The following PDE10A variants were observed in gnomAD, a reference collection of about 807,000 sequenced individuals.
The protein encoded by PDE10A is cAMP and cAMP-inhibited cGMP 3',5'-cyclic phosphodiesterase 10A.
In PDE10A, 39 loss-of-function variants were observed where a neutral mutation model predicts 97.7. That is an observed-to-expected ratio of 0.40 (90% CI 0.31 to 0.52). PDE10A has a LOEUF of 0.52. PDE10A is among the 20% of genes least tolerant of loss of function. The probability of loss-of-function intolerance (pLI) is 0.56; values close to 1 mark genes in which losing one functional copy is unlikely to be tolerated. For missense variants in PDE10A, 731 were observed against 1,047.8 expected, an observed-to-expected ratio of 0.70 and a Z score of 4.17; for synonymous variants, 371 against 376.8, an observed-to-expected ratio of 0.98 and a Z score of 0.18.
chr6:165,762,047 C>T (rs1263561816), intron 1 of PDE10A, among the ~76,000 whole-genome samples: 1 of 152,194 alleles, frequency 6.6e-6, no homozygotes, highest in African/African-American at 2.4e-5. Flanking sequence ...TCTCAGAAAA[C>T]CAACCATCAG....
intron 3 of PDE10A, among the ~76,000 whole-genome samples, chr6:165,477,347 C>T (rs1779350598): frequency 6.6e-6 from 1 of 152,182 alleles, no homozygotes; most frequent in South Asian, 2.1e-4. Flanking sequence ...ATCATTTACC[C>T]TGCCTCTCGC....
intron 7 of PDE10A, among the ~76,000 whole-genome samples, chr6:165,432,091 T>C (rs561705550): frequency 6.6e-6 from 1 of 152,200 alleles, no homozygotes; most frequent in African/African-American, 2.4e-5. Flanking sequence ...CCAGGCACTA[T>C]TCTAGGTGCT....
rs1554299050 is a variant in PDE10A, at chr6:165,639,757, A to AAG, written c.865+22188_865+22189dup. Among the ~76,000 whole-genome samples the AAG allele has an allele frequency of 1.6e-3, 241 of 148,354 alleles. 2 individuals carry two copies. The highest frequency in any genetic ancestry group is 7.0e-3 in the Middle Eastern group (2 of 284). On this transcript the variant is annotated intron_variant, in intron 1 of 21. Coordinates refer to ENST00000539869, the MANE Select transcript of PDE10A (RefSeq NM_001385079.1). ...CTGTCCCAAAAAAAAAAAAAAAAAAAAGAGAGAGAGACATAAAAATCAATC... is the reference window on the plus strand; with the variant it reads ...CTGTCCCAAAAAAAAAAAAAAAAAAAAGAGAGAGAGAGACATAAAAATCAATC...
intron 1 of PDE10A, among the ~76,000 whole-genome samples, chr6:165,972,930 T>C (rs1239439074): frequency 6.6e-6 from 1 of 151,982 alleles, no homozygotes; most frequent in Admixed American, 6.5e-5. Context: ...CACCAGCTCA[T>C]TCTCCTCTCC....
intron 1 of PDE10A, among the ~76,000 whole-genome samples, chr6:165,554,818 T>C (rs757424165): frequency 2.6e-5 from 4 of 152,160 alleles, no homozygotes; most frequent in Admixed American, 1.3e-4. Flanking sequence ...ATATACACAA[T>C]GGAGTACTAT....
intron 10 of PDE10A, among the ~76,000 whole-genome samples, chr6:165,422,899 T>C (rs1477328952): frequency 6.6e-6 from 1 of 152,092 alleles, no homozygotes; most frequent in African/African-American, 2.4e-5. Flanking sequence ...AAAATATTTA[T>C]ATATCTAAAA....
chr6:165,552,176 C>G (rs1784051566), intron 1 of PDE10A, among the ~76,000 whole-genome samples: 1 of 152,320 alleles, frequency 6.6e-6, no homozygotes, highest in Non-Finnish European at 1.5e-5. Flanking sequence ...GCTGAAATTT[C>G]TTACTTATTA....
intron 14 of PDE10A, among the ~76,000 whole-genome samples, chr6:165,395,484 A>G (rs1197196287): frequency 6.6e-6 from 1 of 152,168 alleles, no homozygotes. Flanking sequence ...TGAGTTATTG[A>G]TTTTCTATTA....
intron 1 of PDE10A, among the ~76,000 whole-genome samples, chr6:165,796,844 A>G (rs962051004): frequency 1.3e-5 from 2 of 152,168 alleles, no homozygotes; most frequent in Admixed American, 6.5e-5. Flanking sequence ...TTTTCAAGAC[A>G]TTGACAATGG....
chr6:165,376,658 T>TA (rs1459942657), intron 18 of PDE10A, among the ~76,000 whole-genome samples: 1 of 152,190 alleles, frequency 6.6e-6, no homozygotes, highest in Non-Finnish European at 1.5e-5. Flanking sequence ...CTCTGGCCTG[T>TA]AATCCCAGTT....
At chr6:165,470,792 A>G (rs571536439) in intron 3 of PDE10A, among the ~76,000 whole-genome samples, 1 of 149,562 alleles carries the variant, frequency 6.7e-6, no homozygotes, top group African/African-American at 2.5e-5. Flanking sequence ...GCCCTTAAAG[A>G]CTCTGTTTAG....
At chr6:165,451,348 C>A (rs1159855006) in intron 3 of PDE10A, among the ~76,000 whole-genome samples, 1 of 152,216 alleles carries the variant, frequency 6.6e-6, no homozygotes, top group African/African-American at 2.4e-5. Context: ...CAACTAATCT[C>A]CCTGCTCCCA....
chr6:165,882,973 T>C (rs923220319), intron 1 of PDE10A, among the ~76,000 whole-genome samples: 5 of 152,208 alleles, frequency 3.3e-5, no homozygotes, highest in African/African-American at 1.2e-4. Context: ...TGGTGGCTCA[T>C]GCCTGTAATC....
intron 2 of PDE10A, among the ~76,000 whole-genome samples, chr6:165,514,832 T>C (rs1410162953): frequency 6.6e-6 from 1 of 152,198 alleles, no homozygotes; most frequent in African/African-American, 2.4e-5. Context: ...TCAGCAGTTT[T>C]TAAGGTATGA....
intron 1 of PDE10A, among the ~76,000 whole-genome samples, chr6:165,722,491 A>G (rs374351079): frequency 4.8e-4 from 73 of 152,356 alleles, no homozygotes; most frequent in Middle Eastern, 3.4e-3. Flanking sequence ...ATATCTGTCT[A>G]TGATCTAGTT....
chr6:165,481,084 T>G (rs755252163), intron 3 of PDE10A, among the ~76,000 whole-genome samples: 4 of 152,220 alleles, frequency 2.6e-5, no homozygotes, highest in African/African-American at 7.2e-5. Flanking sequence ...AATGACACTG[T>G]CTGAACACAT....
intron 1 of PDE10A, among the ~76,000 whole-genome samples, chr6:165,614,028 G>T (rs1583645897): frequency 6.6e-6 from 1 of 152,190 alleles, no homozygotes; most frequent in Non-Finnish European, 1.5e-5. Context: ...TCCCACTTCT[G>T]CCGTGTGCAA....
At chr6:165,438,027 T>G (rs1790148486) in intron 5 of PDE10A, among the ~76,000 whole-genome samples, 1 of 152,180 alleles carries the variant, frequency 6.6e-6, no homozygotes. Context: ...AGGTTGAAGT[T>G]TACACATACT....
intron 1 of PDE10A, among the ~76,000 whole-genome samples, chr6:165,818,792 A>G (rs950387479): frequency 6.6e-6 from 1 of 152,234 alleles, no homozygotes; most frequent in African/African-American, 2.4e-5. Flanking sequence ...AATCCATAGC[A>G]AATGATGAAA....
Sources: allele counts gnomAD v4.1 joint callset (sites outside exome capture counted in the v4.1 genomes callset), GRCh38; gene constraint gnomAD v4.1.1; transcripts MANE v1.5; gene names NCBI Gene and HGNC (gene_info 2026-07-23, HGNC 2026-07-21).